Variants in GPC5 observed in about 807,000 individuals in gnomAD.
GPC5 encodes glypican 5, also known as glypican-5.
Under a neutral mutation model 53.9 loss-of-function variants are expected in GPC5, and 47 were observed. The observed-to-expected ratio is 0.87, with a 90% CI of 0.69 to 1.11. The LOEUF is 1.11. Ranked by LOEUF, GPC5 falls within the 50% of genes most tolerant of loss-of-function variation. The probability of loss-of-function intolerance (pLI) is 0.00; values close to 1 mark genes in which losing one functional copy is unlikely to be tolerated. For missense variants in GPC5, 748 were observed against 713.1 expected (o/e 1.05, Z -0.56); for synonymous variants, 286 against 263.3 (o/e 1.09, Z -0.84).
chr13:91,906,036 C>G (rs140680886), intron 5 of GPC5, among the ~76,000 whole-genome samples: 1,723 of 152,062 alleles, frequency 0.011, 10 homozygotes, highest in South Asian at 0.024. Context: ...TCCCTCACCC[C>G]CCCTGCCAAC....
intron 7 of GPC5, among the ~76,000 whole-genome samples, chr13:92,318,741 G>C (rs1034098748): frequency 6.6e-6 from 1 of 152,052 alleles, no homozygotes; most frequent in Non-Finnish European, 1.5e-5. Flanking sequence ...TGCTTCTCAT[G>C]TTTTCCTGTA....
chr13:92,520,886 C>T (rs562796874), intron 7 of GPC5, among the ~76,000 whole-genome samples: 2 of 152,274 alleles, frequency 1.3e-5, no homozygotes, highest in South Asian at 4.1e-4. Context: ...AAATCCCCAT[C>T]ATCTCAACCC....
At chr13:91,948,726 A>G (rs923884134) in intron 6 of GPC5, among the ~76,000 whole-genome samples, 1 of 152,220 alleles carries the variant, frequency 6.6e-6, no homozygotes, top group African/African-American at 2.4e-5. Flanking sequence ...GGCACATGTG[A>G]TAAGTACTTC....
intron 7 of GPC5, among the ~76,000 whole-genome samples, chr13:92,562,135 A>G (rs1353173734): frequency 6.6e-6 from 1 of 152,108 alleles, no homozygotes; most frequent in Non-Finnish European, 1.5e-5. Context: ...AATAAGGTCC[A>G]AACATGTAAC....
chr13:92,622,565 A>ATT (rs113203386), intron 7 of GPC5, among the ~76,000 whole-genome samples: 2 of 145,774 alleles, frequency 1.4e-5, no homozygotes, highest in African/African-American at 5.0e-5. Flanking sequence ...CCATTGATTG[A>ATT]TTTTTTTTTT....
rs190428763 is a variant in GPC5 at position 92,385,589 on chromosome 13, G to A, written c.1561+240600G>A. On this transcript the variant is annotated intron_variant, in intron 7 of 7. Transcript: ENST00000377067. ...ACATATACGCATATATAATATATAC[G>A]CATATATACATATATACACATATAC... Among the ~76,000 whole-genome samples, 181 of 124,558 alleles carry A rather than the reference G, an allele frequency of 1.5e-3. 4 individuals are homozygous for A. The East Asian group carries it at 0.044, about 30-fold the overall frequency. The allele number at this position is 124,558 out of a possible 152,430, so 81.7% of individuals were successfully genotyped here.
chr13:92,559,597 C>T (rs1450219600), intron 7 of GPC5, among the ~76,000 whole-genome samples: 2 of 151,484 alleles, frequency 1.3e-5, no homozygotes, highest in Admixed American at 1.3e-4. Context: ...TTGAATCATC[C>T]CAGGGCCAGA....
chr13:92,301,676 C>T (rs2139198326), intron 7 of GPC5, among the ~76,000 whole-genome samples: 1 of 151,800 alleles, frequency 6.6e-6, no homozygotes, highest in South Asian at 2.1e-4. Flanking sequence ...CACATAAGGC[C>T]AGTTGTTCAA....
chr13:92,785,226 A>C (rs1876177121), intron 7 of GPC5, among the ~76,000 whole-genome samples: 1 of 152,182 alleles, frequency 6.6e-6, no homozygotes, highest in Non-Finnish European at 1.5e-5. Context: ...CAGTGAGCCA[A>C]GATCAGGCCC....
chr13:91,690,750 A>T (rs2139795628), intron 2 of GPC5, among the ~76,000 whole-genome samples: 1 of 152,328 alleles, frequency 6.6e-6, no homozygotes, highest in East Asian at 1.9e-4. Context: ...ATCTGATGGA[A>T]CATCAGTATT....
chr13:92,636,715 A>G (rs1885415516), intron 7 of GPC5, among the ~76,000 whole-genome samples: 1 of 152,136 alleles, frequency 6.6e-6, no homozygotes, highest in Admixed American at 6.6e-5. Context: ...ACTGCATCTT[A>G]TTTATCCTTC....
intron 7 of GPC5, among the ~76,000 whole-genome samples, chr13:92,864,680 T>C (rs1426075069): frequency 6.6e-6 from 1 of 151,450 alleles, no homozygotes; most frequent in Non-Finnish European, 1.5e-5. Context: ...TTAAAAAAAA[T>C]AAAAAAGGGA....
chr13:92,495,405 A>G (rs1340405082), intron 7 of GPC5, among the ~76,000 whole-genome samples: 1 of 152,168 alleles, frequency 6.6e-6, no homozygotes, highest in Non-Finnish European at 1.5e-5. Context: ...ATTCATACCT[A>G]GCAGCATACC....
At chr13:91,597,283 T>C (rs770499550) in intron 2 of GPC5, among the ~76,000 whole-genome samples, 1 of 152,226 alleles carries the variant, frequency 6.6e-6, no homozygotes, top group Non-Finnish European at 1.5e-5. Flanking sequence ...AAAATCCTTT[T>C]CAGTTTTCGT....
At chr13:92,414,440 G>A (rs1459527064) in intron 7 of GPC5, among the ~76,000 whole-genome samples, 2 of 151,802 alleles carry the variant, frequency 1.3e-5, no homozygotes, top group Admixed American at 1.3e-4. Flanking sequence ...GAGAGGTGGA[G>A]GTTGCAGTGA....
At chr13:92,130,741 G>C (rs1638833120) in intron 6 of GPC5, among the ~76,000 whole-genome samples, 2 of 152,060 alleles carry the variant, frequency 1.3e-5, no homozygotes, top group South Asian at 4.1e-4. Context: ...CAAAGAGTGG[G>C]AGTAGCCAAA....
chr13:92,432,545 T>C (rs1877139652), intron 7 of GPC5, among the ~76,000 whole-genome samples: 2 of 151,274 alleles, frequency 1.3e-5, no homozygotes, highest in Admixed American at 6.6e-5. Flanking sequence ...CGGCTATTTT[T>C]TTTTTTTTTT....
At chr13:92,755,329 A>T (rs1394713345) in intron 7 of GPC5, among the ~76,000 whole-genome samples, 2 of 141,842 alleles carry the variant, frequency 1.4e-5, no homozygotes, top group Non-Finnish European at 3.1e-5. Context: ...CATTCAAAGC[A>T]GTGTGTAGAG....
At chr13:92,501,787 C>T (rs527899919) in intron 7 of GPC5, among the ~76,000 whole-genome samples, 1 of 152,140 alleles carries the variant, frequency 6.6e-6, no homozygotes, top group East Asian at 1.9e-4. Flanking sequence ...TTGTGGTGAT[C>T]AGGAAAAGAA....
Sources: allele counts gnomAD v4.1 joint callset (sites outside exome capture counted in the v4.1 genomes callset), GRCh38; gene constraint gnomAD v4.1.1; transcripts MANE v1.5; gene names NCBI Gene and HGNC (gene_info 2026-07-23, HGNC 2026-07-21).